Variants in GEMIN5 observed in about 807,000 individuals in gnomAD.
The protein encoded by GEMIN5 is gem-associated protein 5.
Under a neutral mutation model 176.9 loss-of-function variants are expected in GEMIN5, and 124 were observed. That is an observed-to-expected ratio of 0.70 (90% CI 0.61 to 0.81). GEMIN5 has a LOEUF of 0.81. Ranked by LOEUF, GEMIN5 falls within the 40% of genes least tolerant of loss-of-function variation. The pLI, the probability that GEMIN5 is intolerant of heterozygous loss-of-function variation, is 0.00. For synonymous variants in GEMIN5, 673 were observed against 665.2 expected (o/e 1.01, Z -0.18); for missense variants, 1,843 against 1,814.6 (o/e 1.02, Z -0.28).
chr5:154,890,459 AAAATTT>A (rs1763201109), intron 26 of GEMIN5, among the ~76,000 whole-genome samples: 1 of 151,308 alleles, frequency 6.6e-6, no homozygotes, highest in African/African-American at 2.4e-5. Flanking sequence ...CTGGCTTCTT[AAAATTT>A]AATTTTTTTT....
intron 13 of GEMIN5, among the ~76,000 whole-genome samples, chr5:154,915,890 A>C (rs1033411308): frequency 7.3e-5 from 11 of 150,076 alleles, no homozygotes; most frequent in Middle Eastern, 3.5e-3. Flanking sequence ...TTTTCTATAC[A>C]AAAATTATTC....
intron 13 of GEMIN5, among the ~76,000 whole-genome samples, chr5:154,914,711 T>G (rs1477453989): frequency 1.3e-5 from 2 of 151,802 alleles, no homozygotes; most frequent in Non-Finnish European, 2.9e-5. Flanking sequence ...TCCTCAAGTG[T>G]TGGGATTATA....
Position 154,932,247 on chromosome 5 carries a change from G to A in GEMIN5, c.513C>T (p.Tyr171=). The A allele has an allele frequency of 1.3e-6, 2 of 1,599,914 alleles. No individual in the cohort carries two copies. Among genetic ancestry groups the A allele is most frequent in the Non-Finnish European group, 1.7e-6 (2 of 1,170,834 alleles). The change falls in exon 4 of 28, where the codon TAC becomes TAT. Residue 171 remains tyrosine (Y), a synonymous_variant. Coordinates refer to ENST00000285873, the MANE Select transcript of GEMIN5 (RefSeq NM_015465.5). ...PHHEDLVAIG[Y]KDGIVVIIDI... ...CAATTATCACCACTATGCCATCCTT[G>A]TAGCTAAAAAACAAGAGTTAGAAAT...
In GEMIN5 at chr5:154,925,819, GA is replaced by G. The variant is rs761617879; in HGVS notation, c.1293+42del. The G allele has an allele frequency of 1.6e-3, 1,639 of 1,005,038 alleles. 1 individual carries two copies. The highest frequency in any genetic ancestry group is 3.8e-3 in the Middle Eastern group (15 of 3,984). The allele number at this position is 1,005,038 out of a possible 1,614,324, so 62.3% of individuals were successfully genotyped here. A position where few individuals can be genotyped will look rare whatever the true frequency, so the allele number is the denominator to read the frequency against. On this transcript the variant is annotated intron_variant, in intron 8 of 27. Transcript: ENST00000285873. ...AACAGGCATAAAAGAGAATTATTTG[GA>G]AAAAAAAAAGTTCAAAACAAGCTCA...
chr5:154,933,896 T>C (rs1371413089), intron 3 of GEMIN5, among the ~76,000 whole-genome samples: 1 of 152,156 alleles, frequency 6.6e-6, no homozygotes, highest in Non-Finnish European at 1.5e-5. Context: ...ACTACAACAC[T>C]GCTCCCACTT....
Position 154,909,133 on chromosome 5 carries a change from A to ATTTTTTT in GEMIN5, c.2168-1322_2168-1316dup, listed in dbSNP as rs70981958. On this transcript the variant is annotated intron_variant, in intron 15 of 27. Transcript: ENST00000285873. ...GACACCATGCCTGGGTAATTTTTGTATTTTTTTTTTTTTTTTTTTTTGTAG... is the reference window on the plus strand; with the variant it reads ...GACACCATGCCTGGGTAATTTTTGTATTTTTTTTTTTTTTTTTTTTTTTTTTTTGTAG... Among the ~76,000 whole-genome samples, 81 of 99,694 alleles carry ATTTTTTT rather than the reference A, an allele frequency of 8.1e-4. 1 individual carries two copies. Among genetic ancestry groups the ATTTTTTT allele is most frequent in the Non-Finnish European group, 1.1e-3 (57 of 53,588 alleles). The allele number at this position is 99,694 out of a possible 152,430, so 65.4% of individuals were successfully genotyped here. A position where few individuals can be genotyped will look rare whatever the true frequency, so the allele number is the denominator to read the frequency against.
intron 27 of GEMIN5, among the ~76,000 whole-genome samples, chr5:154,889,065 A>T (rs1763167648): frequency 6.6e-6 from 1 of 151,970 alleles, no homozygotes; most frequent in Non-Finnish European, 1.5e-5. Context: ...TTTAGTAGAG[A>T]CGGGGTTTCA....
intron 15 of GEMIN5, among the ~76,000 whole-genome samples, chr5:154,910,338 A>T (rs577120057): frequency 6.6e-6 from 1 of 152,238 alleles, no homozygotes; most frequent in East Asian, 1.9e-4. Flanking sequence ...TTTCACAGAG[A>T]CAGTGTCCCC....
intron 5 of GEMIN5, among the ~76,000 whole-genome samples, chr5:154,929,298 C>T (rs1764111187): frequency 6.6e-6 from 1 of 152,210 alleles, no homozygotes; most frequent in Non-Finnish European, 1.5e-5. Flanking sequence ...AGTAACACAG[C>T]TGAGTTGTGT....
chr5:154,908,323 G>A (rs1763617322), intron 15 of GEMIN5, among the ~76,000 whole-genome samples: 1 of 152,048 alleles, frequency 6.6e-6, no homozygotes, highest in South Asian at 2.1e-4. Flanking sequence ...TGGGATTACA[G>A]GCACGCACAA....
chr5:154,924,506 C>A lies in GEMIN5; in HGVS notation c.1342G>T (p.Asp448Tyr). 2 of 1,612,404 alleles carry A rather than the reference C, an allele frequency of 1.2e-6. No homozygotes were observed. Among genetic ancestry groups the A allele is most frequent in the Non-Finnish European group, 1.7e-6 (2 of 1,178,574 alleles). ...KEGCLAFGTD[D>Y]GKVGLYDTYS... The stretch of plus-strand genomic sequence containing the variant: ...GTGTCATACAATCCCACTTTTCCAT[C>A]ATCAGTTCCAAAAGCTAAGCAACCT... The change falls in exon 9 of 28, where the codon GAT (aspartate) becomes TAT (tyrosine). Residue 448 changes from aspartate to tyrosine, a missense_variant. Physicochemically the swap from Asp to Tyr is radical, Grantham distance 160. Coordinates refer to ENST00000285873, the MANE Select transcript of GEMIN5 (RefSeq NM_015465.5).
chr5:154,932,365 G>C, intron 3 of GEMIN5, 115 bp from the exon 4 acceptor site: 1 of 717,292 alleles, frequency 1.4e-6, no homozygotes, highest in Non-Finnish European at 2.3e-6. Context: ...GGTGCATTTG[G>C]GGTGGCGGAG....
chr5:154,928,994 C>T (rs1212687293), intron 5 of GEMIN5, among the ~76,000 whole-genome samples: 10 of 151,424 alleles, frequency 6.6e-5, no homozygotes, highest in South Asian at 2.1e-4. Flanking sequence ...GAGGCCGAGG[C>T]GGGAGGATCA....
At chr5:154,931,348 G>GTT in intron 5 of GEMIN5, 110 bp downstream of exon 5, 1 of 1,132,768 alleles carries the variant, frequency 8.8e-7, no homozygotes, top group Non-Finnish European at 1.2e-6. Context: ...ACCAAAAAGT[G>GTT]AAGAACTGCT....
At chr5:154,893,923 T>C (rs1325725361) in intron 24 of GEMIN5, among the ~76,000 whole-genome samples, 1 of 152,096 alleles carries the variant, frequency 6.6e-6, no homozygotes, top group East Asian at 1.9e-4. Context: ...CCGATATTAT[T>C]TGTGTGGCAG....
intron 15 of GEMIN5, 63 bp from the exon 16 acceptor site, chr5:154,907,881 G>A: frequency 9.1e-7 from 1 of 1,099,812 alleles, no homozygotes; most frequent in Non-Finnish European, 1.4e-6. Context: ...CACTCTAGGT[G>A]GTAAACTCCA....
intron 5 of GEMIN5, among the ~76,000 whole-genome samples, chr5:154,930,258 C>G (rs115749014): frequency 4.1e-4 from 63 of 152,324 alleles, no homozygotes; most frequent in African/African-American, 1.5e-3. Context: ...GATAGGGGAA[C>G]GACACAGCAG....
At position 154,931,516 on chromosome 5, in the gene GEMIN5, G is replaced by A; in HGVS notation, c.723C>T (p.Tyr241=). The change falls in exon 5 of 28, where the codon TAC becomes TAT. Residue 241 remains tyrosine (Y), a synonymous_variant. Transcript: ENST00000285873. ...VAQAPVTKGC[Y]LATGSKDQTI... is the part of the protein sequence containing the mutation. ...TTTGATCTTTGCTTCCAGTGGCTAA[G>A]TAGCAACCTTTTGTTACTGGAGCTT... 6.2e-7 allele frequency: 1 copy of A among 1,612,934 alleles called. No homozygotes were observed. The highest frequency in any genetic ancestry group is 2.2e-5 in the East Asian group (1 of 44,866).
intron 26 of GEMIN5, 87 bp from the exon 27 acceptor site, chr5:154,889,504 A>T (rs1423774082): frequency 1.4e-6 from 1 of 698,084 alleles, no homozygotes; most frequent in African/African-American, 1.8e-5. Flanking sequence ...GGTAAAATGT[A>T]TATAACATAA....
Sources: allele counts gnomAD v4.1 joint callset (sites outside exome capture counted in the v4.1 genomes callset), GRCh38; gene constraint gnomAD v4.1.1; transcripts MANE v1.5; gene names NCBI Gene and HGNC (gene_info 2026-07-23, HGNC 2026-07-21).